Variants in RPTOR observed in about 807,000 individuals in gnomAD.
RPTOR encodes regulatory-associated protein of mTOR.
Under a neutral mutation model 169.9 loss-of-function variants are expected in RPTOR, and 21 were observed. The ratio of observed to expected loss-of-function variants is 0.12; its 90% CI spans 0.09 to 0.18. RPTOR has a LOEUF of 0.18. Among genes scored for constraint, RPTOR ranks in the 10% least tolerant of loss-of-function variants. The pLI, the probability that RPTOR is intolerant of heterozygous loss-of-function variation, is 1.00. For missense variants in RPTOR, 1,133 were observed against 1,855.9 expected, an observed-to-expected ratio of 0.61 and a Z score of 7.16; for synonymous variants, 732 against 753.2, an observed-to-expected ratio of 0.97 and a Z score of 0.46.
chr17:80,944,086 T>G (rs1248959704), intron 25 of RPTOR, among the ~76,000 whole-genome samples: 1 of 152,218 alleles, frequency 6.6e-6, no homozygotes, highest in African/African-American at 2.4e-5. Flanking sequence ...TTAGCTTCCT[T>G]TTATGGTTCC....
Position 80,937,974 on chromosome 17 carries a change from G to A in RPTOR, c.2920-2522G>A, listed in dbSNP as rs368897296. Among the ~76,000 whole-genome samples the A allele has an allele frequency of 2.0e-4, 30 of 152,362 alleles. No individual in the cohort carries two copies. In the East Asian group the frequency reaches 4.6e-3, roughly 24 times the overall value. On this transcript the variant is annotated intron_variant, in intron 24 of 33. Transcript: ENST00000306801. ...TGGGGTGGTTCCGGAACCGCGTCCC[G>A]TTCAGAAAGTCTCTTCCCAGCCCAG...
intron 24 of RPTOR, among the ~76,000 whole-genome samples, chr17:80,930,429 C>CCTCAG (rs1567993853): frequency 4.7e-3 from 10 of 2,130 alleles, no homozygotes; most frequent in East Asian, 0.029. Flanking sequence ...CTCAGCTCAT[C>CCTCAG]CTCATCCCCA....
chr17:80,863,274 G>T (rs1254857340), intron 13 of RPTOR, among the ~76,000 whole-genome samples: 4 of 152,062 alleles, frequency 2.6e-5, no homozygotes, highest in African/African-American at 9.7e-5. Flanking sequence ...ATTCTCCCAG[G>T]ACTCTGATCC....
chr17:80,705,449 C>T lies in RPTOR; in HGVS notation c.349-2392C>T, dbSNP rs114767677. Among the ~76,000 whole-genome samples the T allele has an allele frequency of 4.2e-3, 638 of 152,300 alleles. 6 individuals carry two copies. The highest frequency in any genetic ancestry group is 0.015 in the African/African-American group (620 of 41,554). On this transcript the variant is annotated intron_variant, in intron 3 of 33. Transcript: ENST00000306801. ...AAAAATTTGGGGGAACCTGGAAAAACTCTTAAATCTCCTCATCTGAAAGAT... is the reference window on the plus strand; with the variant it reads ...AAAAATTTGGGGGAACCTGGAAAAATTCTTAAATCTCCTCATCTGAAAGAT...
At chr17:80,678,919 G>C (rs2065878695) in intron 3 of RPTOR, among the ~76,000 whole-genome samples, 2 of 152,238 alleles carry the variant, frequency 1.3e-5, no homozygotes, top group African/African-American at 4.8e-5. Flanking sequence ...GGCTTTCACT[G>C]CTGTGTGGGG....
chr17:80,741,583 A>T (rs1389831662), intron 5 of RPTOR, among the ~76,000 whole-genome samples: 1 of 152,204 alleles, frequency 6.6e-6, no homozygotes, highest in African/African-American at 2.4e-5. Flanking sequence ...AGGACACAAG[A>T]GCTCTGCTCA....
intron 3 of RPTOR, 26 bp downstream of exon 3, chr17:80,643,836 CT>C: frequency 6.4e-7 from 1 of 1,562,268 alleles, no homozygotes; most frequent in Non-Finnish European, 8.8e-7. Flanking sequence ...TTGCTCTTCC[CT>C]TTCCTTCTTA....
chr17:80,573,441 T>A (rs2064928836), intron 1 of RPTOR, among the ~76,000 whole-genome samples: 1 of 152,196 alleles, frequency 6.6e-6, no homozygotes, highest in South Asian at 2.1e-4. Flanking sequence ...TTCCCTGAAT[T>A]AAGTTATATG....
intron 7 of RPTOR, among the ~76,000 whole-genome samples, chr17:80,821,864 C>T (rs534302690): frequency 3.6e-4 from 55 of 152,324 alleles, no homozygotes; most frequent in African/African-American, 1.3e-3. Flanking sequence ...GGACTGCTTT[C>T]AGCACGTGCC....
intron 13 of RPTOR, among the ~76,000 whole-genome samples, chr17:80,859,923 C>T (rs1328835428): frequency 6.6e-6 from 1 of 152,226 alleles, no homozygotes; most frequent in East Asian, 1.9e-4. Flanking sequence ...GCCGGCACCC[C>T]ACTGGGCCCC....
chr17:80,893,090 C>T (rs913697445), intron 19 of RPTOR, among the ~76,000 whole-genome samples: 2 of 152,224 alleles, frequency 1.3e-5, no homozygotes, highest in African/African-American at 4.8e-5. Context: ...GTTACCAATG[C>T]GGCAGGGAGC....
At chr17:80,827,616 CAG>C (rs1468569703) in intron 9 of RPTOR, among the ~76,000 whole-genome samples, 1 of 152,198 alleles carries the variant, frequency 6.6e-6, no homozygotes, top group Non-Finnish European at 1.5e-5. Flanking sequence ...ACACCTGGGA[CAG>C]GGGTCCTGGG....
intron 1 of RPTOR, among the ~76,000 whole-genome samples, chr17:80,590,939 T>A (rs1049866088): frequency 7.2e-5 from 11 of 152,206 alleles, no homozygotes; most frequent in African/African-American, 1.9e-4. Context: ...ATGATTTTTT[T>A]AAATTATGAT....
rs1341561784 is a variant in RPTOR, at chr17:80,665,398, C to G, written c.348+21588C>G. Among the ~76,000 whole-genome samples the G allele has an allele frequency of 1.4e-3, 10 of 7,204 alleles. No individual in the cohort carries two copies. In the South Asian group the frequency reaches 0.042, roughly 31 times the overall value. 4.7% of individuals were successfully genotyped at this position (7,204 alleles called of 152,430 possible). A position where few individuals can be genotyped will look rare whatever the true frequency, so the allele number is the denominator to read the frequency against. ...CTTTCCTTTCCTTTCCTTTCCTTTC[C>G]TTTCCTTTCCTTTCCTTTCCTTTCC... On this transcript the variant is annotated intron_variant, in intron 3 of 33. Transcript: ENST00000306801.
chr17:80,903,515 A>G (rs1252763879), intron 20 of RPTOR, among the ~76,000 whole-genome samples: 1 of 152,240 alleles, frequency 6.6e-6, no homozygotes, highest in Non-Finnish European at 1.5e-5. Context: ...TGGTGTTCAC[A>G]GGACGGGCCA....
rs773638483 is a variant in RPTOR, at chr17:80,949,458, G to C, written c.3281G>C (p.Arg1094Thr). 6.2e-7 allele frequency: 1 copy of C among 1,613,998 alleles called. No homozygotes were observed. Among genetic ancestry groups the C allele is most frequent in the Non-Finnish European group, 8.5e-7 (1 of 1,179,884 alleles). ...LLTATDDGAI[R>T]VWKNFADLEK... is the part of the protein sequence containing the mutation. ...CCCTCCCCAGACGATGGTGCCATCA[G>C]GGTCTGGAAGAATTTTGCTGATTTG... Residue 1094 changes from arginine (R) to threonine (T), a missense_variant, in exon 28 of 34, where the codon AGG becomes ACG. Arg to Thr is a moderately conservative substitution (Grantham distance 71). Around this residue, in one of 9 missense-constraint regions of RPTOR, gnomAD observed 410 missense variants for 623.7 expected, o/e 0.66. Coordinates refer to ENST00000306801, the MANE Select transcript of RPTOR (RefSeq NM_020761.3).
intron 6 of RPTOR, among the ~76,000 whole-genome samples, chr17:80,786,095 G>T (rs1416263684): frequency 6.6e-6 from 1 of 152,158 alleles, no homozygotes; most frequent in Non-Finnish European, 1.5e-5. Context: ...AGTCCTGAAG[G>T]TCATAGCAGA....
At chr17:80,749,936 A>G (rs2066615171) in intron 5 of RPTOR, among the ~76,000 whole-genome samples, 1 of 151,934 alleles carries the variant, frequency 6.6e-6, no homozygotes, top group Admixed American at 6.6e-5. Flanking sequence ...GGCTGGTCTC[A>G]AACTCCAGAG....
At position 80,947,810 on chromosome 17, in the gene RPTOR, G is replaced by A. The variant is rs979392417; in HGVS notation, c.3265+459G>A. Among the ~76,000 whole-genome samples, 7 of 152,140 alleles carry A rather than the reference G, an allele frequency of 4.6e-5. No individual in the cohort carries two copies. Among genetic ancestry groups the A allele is most frequent in the South Asian group, 4.1e-4 (2 of 4,824 alleles). On this transcript the variant is annotated intron_variant, in intron 27 of 33. Transcript: ENST00000306801. The surrounding 1 kb of genome is among the most constrained non-coding windows in gnomAD (Gnocchi z 4.4). ...CTGGCACTCACCCTCCTCCAGTCCCGTCCTGCACCTGAAAGGACATCGTTG... is the reference window on the plus strand; with the variant it reads ...CTGGCACTCACCCTCCTCCAGTCCCATCCTGCACCTGAAAGGACATCGTTG...
Sources: allele counts gnomAD v4.1 joint callset (sites outside exome capture counted in the v4.1 genomes callset), GRCh38; gene constraint gnomAD v4.1.1; regional missense constraint gnomAD v4.1.1; non-coding constraint Gnocchi (gnomAD v3.1); transcripts MANE v1.5; gene names NCBI Gene and HGNC (gene_info 2026-07-23, HGNC 2026-07-21).